The following TNC variants were observed in gnomAD, a reference collection of about 807,000 sequenced individuals.
TNC encodes the protein tenascin C, also known as tenascin.
Under a neutral mutation model 202.4 loss-of-function variants are expected in TNC, and 109 were observed. The observed-to-expected ratio is 0.54, with a 90% CI of 0.46 to 0.63. TNC has a LOEUF of 0.63. TNC is among the 30% of genes least tolerant of loss of function. TNC has a pLI of 0.00. For missense variants in TNC, 2,756 were observed against 2,833.3 expected, an observed-to-expected ratio of 0.97 and a Z score of 0.62; for synonymous variants, 1,007 against 1,089.7, an observed-to-expected ratio of 0.92 and a Z score of 1.50.
At chr9:115,039,782 G>T (rs1830595258) in intron 19 of TNC, among the ~76,000 whole-genome samples, 1 of 152,350 alleles carries the variant, frequency 6.6e-6, no homozygotes, top group East Asian at 1.9e-4. Flanking sequence ...CCTTTAACTG[G>T]TGATGACAAT....
chr9:115,045,744 G>C (rs1317997662), intron 17 of TNC, among the ~76,000 whole-genome samples: 3 of 151,192 alleles, frequency 2.0e-5, no homozygotes, highest in Non-Finnish European at 4.4e-5. Flanking sequence ...TATGGAAAAA[G>C]GTAATTAAAC....
intron 15 of TNC, among the ~76,000 whole-genome samples, chr9:115,051,578 T>C (rs1286240155): frequency 6.6e-6 from 1 of 151,790 alleles, no homozygotes; most frequent in African/African-American, 2.4e-5. Context: ...ATGCATTTTT[T>C]TTTTAATCAA....
At chr9:115,024,964 A>C (rs969727078) in intron 26 of TNC, among the ~76,000 whole-genome samples, 1 of 152,234 alleles carries the variant, frequency 6.6e-6, no homozygotes, top group African/African-American at 2.4e-5. Context: ...AAGTTGTCAA[A>C]GGAACCCAGA....
chr9:115,090,300 G>A (rs1835120288), intron 2 of TNC, among the ~76,000 whole-genome samples: 1 of 152,070 alleles, frequency 6.6e-6, no homozygotes, highest in Non-Finnish European at 1.5e-5. Context: ...TTATAATTAA[G>A]GTAAAATAGG....
In TNC at chr9:115,032,122, G is replaced by GT. The variant is rs567697217; in HGVS notation, c.5788-438dup. 4.3e-3 allele frequency among the ~76,000 whole-genome samples: 643 copies of GT among 151,256 alleles called. 3 individuals carry two copies. Among genetic ancestry groups the GT allele is most frequent in the African/African-American group, 0.014 (595 of 41,228 alleles). On this transcript the variant is annotated intron_variant, in intron 22 of 27. Coordinates refer to ENST00000350763, the MANE Select transcript of TNC (RefSeq NM_002160.4). ...ATTATTCTATGTTTCTGTGAAGGGG[G>GT]TTTTTTTTTGGATGAGATTAATATT...
chr9:115,083,507 G>A (rs550269528), intron 4 of TNC, among the ~76,000 whole-genome samples: 1 of 152,156 alleles, frequency 6.6e-6, no homozygotes, highest in South Asian at 2.1e-4. Context: ...CTTGGGATAA[G>A]ATGCTTAACC....
intron 14 of TNC, 61 bp from the exon 15 acceptor site, chr9:115,057,486 G>A: frequency 1.3e-6 from 2 of 1,499,738 alleles, no homozygotes; most frequent in South Asian, 1.3e-5. Context: ...ATTTGGCTGT[G>A]TTTTAAGATT....
chr9:115,089,778 G>T (rs1203146739), intron 2 of TNC, among the ~76,000 whole-genome samples: 1 of 152,192 alleles, frequency 6.6e-6, no homozygotes, highest in Non-Finnish European at 1.5e-5. Flanking sequence ...GGGATTACAG[G>T]CGTGAACCAC....
chr9:115,024,448 A>G (rs763400594), intron 26 of TNC, among the ~76,000 whole-genome samples: 1 of 152,172 alleles, frequency 6.6e-6, no homozygotes, highest in Non-Finnish European at 1.5e-5. Flanking sequence ...GTTGAACCTC[A>G]GTTTTCTCAT....
Position 115,064,695 on chromosome 9 carries a change from C to G in TNC, c.3439G>C (p.Val1147Leu). 6.2e-7 allele frequency: 1 copy of G among 1,614,196 alleles called. No individual in the cohort carries two copies. The change falls in exon 11 of 28, where the codon GTG becomes CTG. Residue 1147 changes from valine (V) to leucine (L), a missense_variant. Transcript: ENST00000350763. ...ACTGGTGTTCTATAGCCCTGGATCA[C>G]CCCATAGATGGAGACTGTATAAGGC... is the stretch of plus-strand genomic sequence containing the variant. ...ATPYTVSIYG[V>L]IQGYRTPVLS...
At chr9:115,076,192 C>T in intron 8 of TNC, 71 bp from the exon 9 acceptor site, 1 of 1,532,944 alleles carries the variant, frequency 6.5e-7, no homozygotes, top group Non-Finnish European at 9.0e-7. Flanking sequence ...ATAAAAATGG[C>T]TTTGAGTTGG....
chr9:115,077,885 G>A, intron 7 of TNC, 58 bp downstream of exon 7: 4 of 1,541,150 alleles, frequency 2.6e-6, no homozygotes, highest in Non-Finnish European at 3.5e-6. Flanking sequence ...CATGGAGTGG[G>A]ATGGAAATCT....
chr9:115,097,137 T>A (rs1345609134), intron 1 of TNC, among the ~76,000 whole-genome samples: 1 of 151,892 alleles, frequency 6.6e-6, no homozygotes, highest in Non-Finnish European at 1.5e-5. Flanking sequence ...AAGAGTCTGG[T>A]CTTTGGTGTA....
chr9:115,057,075 G>A lies in TNC; in HGVS notation c.4579+78C>T. On this transcript the variant is annotated intron_variant, in intron 15 of 27. Transcript: ENST00000350763. ...TGCCCTGTGGCTTGTACATCAATGGGAGAGGAGAAGGAGAGGCTTCACCCT... is the reference window on the plus strand; with the variant it reads ...TGCCCTGTGGCTTGTACATCAATGGAAGAGGAGAAGGAGAGGCTTCACCCT... 2.0e-6 allele frequency: 3 copies of A among 1,501,340 alleles called. No homozygotes were observed. In the South Asian group the frequency reaches 4.0e-5, roughly 20 times the overall value. 93.0% of individuals were successfully genotyped at this position (1,501,340 alleles called of 1,614,324 possible). A position where few individuals can be genotyped will look rare whatever the true frequency, so the allele number is the denominator to read the frequency against.
At chr9:115,075,413 T>C (rs1833767887) in intron 9 of TNC, among the ~76,000 whole-genome samples, 1 of 152,148 alleles carries the variant, frequency 6.6e-6, no homozygotes, top group African/African-American at 2.4e-5. Flanking sequence ...GACTAGATAA[T>C]GGTTTATTTA....
chr9:115,046,688 G>T lies in TNC; in HGVS notation c.4853-6C>A. ...GTCAACTTCCGGTTCGGCTTCTAGAGGGAGAGAAAATGGTGGGAGAAGGAG... is the reference window on the plus strand; with the variant it reads ...GTCAACTTCCGGTTCGGCTTCTAGATGGAGAGAAAATGGTGGGAGAAGGAG... On this transcript the variant is annotated splice_region_variant and splice_polypyrimidine_tract_variant and intron_variant, in intron 16 of 27. Coordinates refer to ENST00000350763, the MANE Select transcript of TNC (RefSeq NM_002160.4). The T allele has an allele frequency of 6.2e-7, 1 of 1,611,500 alleles. No homozygotes were observed. Among genetic ancestry groups the T allele is most frequent in the South Asian group, 1.1e-5 (1 of 90,992 alleles).
chr9:115,115,794 A>G (rs1219500574), intron 1 of TNC, among the ~76,000 whole-genome samples: 1 of 152,180 alleles, frequency 6.6e-6, no homozygotes, highest in Non-Finnish European at 1.5e-5. Context: ...TTCTGTGGCA[A>G]TGTCCCAGAG....
chr9:115,102,572 T>C (rs1836316471), intron 1 of TNC, among the ~76,000 whole-genome samples: 1 of 152,210 alleles, frequency 6.6e-6, no homozygotes, highest in South Asian at 2.1e-4. Flanking sequence ...TAAATTTATC[T>C]TTCTCTCTTC....
intron 14 of TNC, among the ~76,000 whole-genome samples, chr9:115,059,469 A>T (rs1217619504): frequency 6.6e-6 from 1 of 152,170 alleles, no homozygotes; most frequent in Non-Finnish European, 1.5e-5. Context: ...TTCAAAAAAG[A>T]TGTAGAATCA....
Sources: allele counts gnomAD v4.1 joint callset (sites outside exome capture counted in the v4.1 genomes callset), GRCh38; gene constraint gnomAD v4.1.1; transcripts MANE v1.5; gene names NCBI Gene and HGNC (gene_info 2026-07-23, HGNC 2026-07-21).